Variants in PPP1R13B observed in about 807,000 individuals in gnomAD.
The protein encoded by PPP1R13B is protein phosphatase 1 regulatory subunit 13B.
In PPP1R13B, 44 loss-of-function variants were observed where a neutral mutation model predicts 119.8. The observed-to-expected ratio is 0.37, with a 90% CI of 0.29 to 0.47. The LOEUF (loss-of-function observed/expected upper bound fraction) is 0.47, where lower values mean the gene tolerates loss of function less well. Ranked by LOEUF, PPP1R13B falls within the 20% of genes least tolerant of loss-of-function variation. The pLI is 0.99. For missense variants in PPP1R13B, 1,227 were observed against 1,413.5 expected (o/e 0.87, Z 2.12); for synonymous variants, 542 against 561.5 (o/e 0.97, Z 0.49).
At chr14:103,843,416 C>T (rs1346576285) in intron 1 of PPP1R13B, among the ~76,000 whole-genome samples, 1 of 152,178 alleles carries the variant, frequency 6.6e-6, no homozygotes, top group African/African-American at 2.4e-5. Context: ...AGTTTTCATC[C>T]TTTCTATAAT....
intron 2 of PPP1R13B, among the ~76,000 whole-genome samples, chr14:103,786,862 C>A (rs1316599976): frequency 6.7e-6 from 1 of 149,470 alleles, no homozygotes; most frequent in African/African-American, 2.5e-5. Flanking sequence ...CTTGAGCCAA[C>A]ACACCTGGCT....
intron 5 of PPP1R13B, among the ~76,000 whole-genome samples, chr14:103,756,904 G>A (rs928327884): frequency 8.1e-5 from 12 of 147,828 alleles, no homozygotes; most frequent in South Asian, 2.2e-4. Context: ...GACTACAGGC[G>A]CCCGCCACCA....
rs139912902 is a variant in PPP1R13B at position 103,836,381 on chromosome 14, T to G, written c.9+10918A>C. Among the ~76,000 whole-genome samples, 4 of 152,176 alleles carry G rather than the reference T, an allele frequency of 2.6e-5. No individual in the cohort carries two copies. In the East Asian group the frequency reaches 7.7e-4, roughly 29 times the overall value. The stretch of plus-strand genomic sequence containing the variant: ...TATTACATATAGTAACAGACAATGC[T>G]CTAAGCACCTGACAATCCTAACAGT... On this transcript the variant is annotated intron_variant, in intron 1 of 16. Coordinates refer to ENST00000202556, the MANE Select transcript of PPP1R13B (RefSeq NM_015316.3).
In PPP1R13B at chr14:103,742,821, T is replaced by C. The variant is rs2084293045; in HGVS notation, c.1153A>G (p.Asn385Asp). The C allele has an allele frequency of 6.2e-7, 1 of 1,613,848 alleles. No individual in the cohort carries two copies. The highest frequency in any genetic ancestry group is 8.5e-7 in the Non-Finnish European group (1 of 1,179,996). The change falls in exon 10 of 17, where the codon AAT becomes GAT. Residue 385 changes from asparagine (N) to aspartate (D), a missense_variant and splice_region_variant. Transcript: ENST00000202556. This position sits in a 1 kb window ranked among gnomAD's most constrained non-coding sequence, Gnocchi z 4.9. ...NAAHGRSKSA[N>D]DGNWPTLKQN... The stretch of plus-strand genomic sequence containing the variant: ...TTTAATGTTGGCCAGTTTCCATCAT[T>C]AGCTTGAAAAGAACACAGAACTTAC...
At chr14:103,810,336 C>T (rs981739621) in intron 1 of PPP1R13B, among the ~76,000 whole-genome samples, 3 of 151,866 alleles carry the variant, frequency 2.0e-5, no homozygotes, top group Non-Finnish European at 2.9e-5. Context: ...ACAGGAGAAT[C>T]GTTTGAACCC....
At position 103,847,358 on chromosome 14, in the gene PPP1R13B, C is replaced by T. The variant is rs1336167107; in HGVS notation, c.-51G>A. ...GGCCGCCGCCTGACAGGACGCTCCG[C>T]GCCGAGCTGTGCCCACCGCTCCGGC... On this transcript the variant is annotated 5_prime_UTR_variant, in exon 1 of 17. Transcript: ENST00000202556. 5 of 1,192,364 alleles carry T rather than the reference C, an allele frequency of 4.2e-6. No individual in the cohort carries two copies. In the African/African-American group the frequency reaches 8.1e-5, roughly 19 times the overall value. 73.9% of individuals were successfully genotyped at this position (1,192,364 alleles called of 1,614,324 possible). A position where few individuals can be genotyped will look rare whatever the true frequency, so the allele number is the denominator to read the frequency against.
intron 1 of PPP1R13B, among the ~76,000 whole-genome samples, chr14:103,838,097 C>T (rs984565199): frequency 6.6e-6 from 1 of 151,966 alleles, no homozygotes; most frequent in Non-Finnish European, 1.5e-5. Flanking sequence ...CCAGCCTGGG[C>T]GACAGAGTGA....
In PPP1R13B at chr14:103,736,112, T is replaced by G; in HGVS notation, c.3122A>C (p.His1041Pro). ...CAGGATGGTGAGGGCGTCCCCTTCG[T>G]GGAAGGACAGCTCGTCACTGTTCTG... is the stretch of plus-strand genomic sequence containing the variant. ...EAQNSDELSFHEGDALTILRR... is the reference protein window; with the variant it reads ...EAQNSDELSFPEGDALTILRR... Residue 1041 changes from histidine to proline, a missense_variant, in exon 16 of 17, where the codon CAC becomes CCC. His to Pro is a moderately conservative substitution (Grantham distance 77, BLOSUM62 -2). Coordinates refer to ENST00000202556, the MANE Select transcript of PPP1R13B (RefSeq NM_015316.3). The G allele has an allele frequency of 6.2e-7, 1 of 1,614,186 alleles. No homozygotes were observed. The highest frequency in any genetic ancestry group is 8.5e-7 in the Non-Finnish European group (1 of 1,180,022).
intron 2 of PPP1R13B, among the ~76,000 whole-genome samples, chr14:103,790,391 C>T (rs889046462): frequency 6.6e-6 from 1 of 152,062 alleles, no homozygotes; most frequent in African/African-American, 2.4e-5. Flanking sequence ...TATGTTGAAA[C>T]TGAATCCCCA....
In PPP1R13B at chr14:103,847,500, T is replaced by TCGCTGTCC. The variant is rs1667328176; in HGVS notation, c.-201_-194dup. 1 of 983,942 alleles carries TCGCTGTCC rather than the reference T, an allele frequency of 1.0e-6. No individual in the cohort carries two copies. The highest frequency in any genetic ancestry group is 1.8e-5 in the African/African-American group (1 of 56,140). 61.0% of individuals were successfully genotyped at this position (983,942 alleles called of 1,614,324 possible). ...CTGTCGCGGCCGCCGGCGCGCTGCG[T>TCGCTGTCC]CGCTGTCCCGGGCACCCGGCCGCCG... On this transcript the variant is annotated 5_prime_UTR_variant, in exon 1 of 17. Transcript: ENST00000202556.
chr14:103,785,747 T>C (rs1344705881), intron 2 of PPP1R13B, among the ~76,000 whole-genome samples: 2 of 152,012 alleles, frequency 1.3e-5, no homozygotes, highest in East Asian at 1.9e-4. Flanking sequence ...CTTGGCCTCC[T>C]GGCCTCAGGT....
intron 16 of PPP1R13B, among the ~76,000 whole-genome samples, 190 bp downstream of exon 16, chr14:103,735,813 G>A (rs913270163): frequency 6.6e-6 from 1 of 152,174 alleles, no homozygotes; most frequent in Non-Finnish European, 1.5e-5. Flanking sequence ...AAGCATGGCT[G>A]GGGGAACCTC....
chr14:103,826,834 CT>C (rs2086555936), intron 1 of PPP1R13B, among the ~76,000 whole-genome samples: 1 of 151,020 alleles, frequency 6.6e-6, no homozygotes, highest in African/African-American at 2.4e-5. Flanking sequence ...AGGTGAAACC[CT>C]GTCTCTACTA....
At chr14:103,756,752 G>A (rs1021252719) in intron 5 of PPP1R13B, among the ~76,000 whole-genome samples, 2 of 151,398 alleles carry the variant, frequency 1.3e-5, no homozygotes, top group African/African-American at 2.4e-5. Context: ...CTTTCTTCCC[G>A]ATTTCTTTGT....
intron 5 of PPP1R13B, among the ~76,000 whole-genome samples, chr14:103,755,624 C>T (rs2084658994): frequency 6.6e-6 from 1 of 152,160 alleles, no homozygotes. Context: ...CTACATACTA[C>T]ACTCTAAGGT....
chr14:103,846,763 A>G (rs2087047295), intron 1 of PPP1R13B: 1 of 456,498 alleles, frequency 2.2e-6, no homozygotes, highest in Non-Finnish European at 4.4e-6. Flanking sequence ...AACCAGTTAA[A>G]GCAAAACGAA....
At position 103,739,813 on chromosome 14, in the gene PPP1R13B, A is replaced by AT. The variant is rs1260024313; in HGVS notation, c.2592+10dup. 1 of 1,593,976 alleles carries AT rather than the reference A, an allele frequency of 6.3e-7. No individual in the cohort carries two copies. Among genetic ancestry groups the AT allele is most frequent in the Non-Finnish European group, 8.6e-7 (1 of 1,168,814 alleles). ...AGGAAGGCCAGGCTTTGGTCTAGCAATGACACCCACCGTGGAGGTGGCAGG... is the reference window on the plus strand; with the variant it reads ...AGGAAGGCCAGGCTTTGGTCTAGCAATTGACACCCACCGTGGAGGTGGCAGG... On this transcript the variant is annotated intron_variant, in intron 12 of 16. Transcript: ENST00000202556.
At chr14:103,803,641 T>C (rs1223811061) in intron 1 of PPP1R13B, among the ~76,000 whole-genome samples, 1 of 152,022 alleles carries the variant, frequency 6.6e-6, no homozygotes, top group Non-Finnish European at 1.5e-5. Context: ...AGACTCCGTC[T>C]CAAAAATAAA....
chr14:103,835,773 T>G (rs1029773486), intron 1 of PPP1R13B, among the ~76,000 whole-genome samples: 10 of 151,540 alleles, frequency 6.6e-5, no homozygotes, highest in Non-Finnish European at 1.2e-4. Context: ...CATGCCCAGC[T>G]AATTTTTTGT....
Sources: allele counts gnomAD v4.1 joint callset (sites outside exome capture counted in the v4.1 genomes callset), GRCh38; gene constraint gnomAD v4.1.1; non-coding constraint Gnocchi (gnomAD v3.1); transcripts MANE v1.5; gene names NCBI Gene and HGNC (gene_info 2026-07-23, HGNC 2026-07-21).